The following FAM78B variants were observed in gnomAD, a reference collection of about 807,000 sequenced individuals.
FAM78B encodes the protein protein FAM78B.
FAM78B carries 10 observed loss-of-function variants against 20.0 expected under a neutral mutation model. The observed-to-expected ratio is 0.50, with a 90% confidence interval of 0.31 to 0.85. The LOEUF (loss-of-function observed/expected upper bound fraction) is 0.85. Ranked by LOEUF, FAM78B falls within the 40% of genes least tolerant of loss-of-function variation. The pLI is 0.05. For missense variants in FAM78B, 283 were observed against 345.0 expected, an observed-to-expected ratio of 0.82 and a Z score of 1.42; for synonymous variants, 135 against 132.8, an observed-to-expected ratio of 1.02 and a Z score of -0.12.
chr1:166,073,635 C>T (rs1652144817), intron 1 of FAM78B, among the ~76,000 whole-genome samples: 1 of 150,870 alleles, frequency 6.6e-6, no homozygotes, highest in African/African-American at 2.4e-5. Flanking sequence ...TTCGAGAAGT[C>T]TCTGAAAAGT....
intron 1 of FAM78B, among the ~76,000 whole-genome samples, chr1:166,141,457 T>C (rs182943297): frequency 5.1e-4 from 78 of 152,366 alleles, no homozygotes; most frequent in African/African-American, 1.4e-3. Context: ...TCTTGTATAT[T>C]CTTCACATAG....
At chr1:166,077,526 C>G (rs1393078050) in intron 1 of FAM78B, among the ~76,000 whole-genome samples, 1 of 149,478 alleles carries the variant, frequency 6.7e-6, no homozygotes, top group Non-Finnish European at 1.5e-5. Flanking sequence ...GATGTAGGAG[C>G]AAATGCTTTG....
chr1:166,086,679 G>A lies in FAM78B; in HGVS notation c.264-15916C>T, dbSNP rs187484665. Among the ~76,000 whole-genome samples the A allele has an allele frequency of 3.3e-5, 5 of 152,264 alleles. No individual in the cohort carries two copies. The East Asian group carries it at 5.8e-4, about 18-fold the overall frequency. On this transcript the variant is annotated intron_variant, in intron 1 of 1. Coordinates refer to ENST00000354422, the MANE Select transcript of FAM78B (RefSeq NM_001017961.5). ...AGGGCAGCAGATGTGGGGAGTTTCCGGCAGCAGCTGAGCTGGGGCAGGAGA... is the reference window on the plus strand; with the variant it reads ...AGGGCAGCAGATGTGGGGAGTTTCCAGCAGCAGCTGAGCTGGGGCAGGAGA...
rs370072484 is a variant in FAM78B, at chr1:166,123,310, T to C, written c.263+42676A>G. ...ATGAAGACACAGCTGACTCAGTCTC[T>C]GGCTCTGTCGGCTCTTGGCCACCTT... is the stretch of plus-strand genomic sequence containing the variant. On this transcript the variant is annotated intron_variant, in intron 1 of 1. Transcript: ENST00000354422. 2.0e-4 allele frequency among the ~76,000 whole-genome samples: 31 copies of C among 152,360 alleles called. No homozygotes were observed. In the East Asian group the frequency reaches 5.2e-3, roughly 26 times the overall value.
In FAM78B at chr1:166,133,104, G is replaced by A. The variant is rs144900041; in HGVS notation, c.263+32882C>T. 1.9e-3 allele frequency among the ~76,000 whole-genome samples: 283 copies of A among 152,324 alleles called. 1 individual carries two copies. The highest frequency in any genetic ancestry group is 6.4e-3 in the African/African-American group (267 of 41,580). ...ATCTTGGCAGGGCAAGGAGATTGCT[G>A]ACTCTGAGAATAGCAGAGTGGCCCT... On this transcript the variant is annotated intron_variant, in intron 1 of 1. Transcript: ENST00000354422.
chr1:166,132,309 G>T (rs144510206), intron 1 of FAM78B, among the ~76,000 whole-genome samples: 49 of 151,122 alleles, frequency 3.2e-4, no homozygotes, highest in East Asian at 2.6e-3. Flanking sequence ...AACCCTCGCG[G>T]TGTGAAGAAC....
intron 1 of FAM78B, among the ~76,000 whole-genome samples, chr1:166,074,823 T>C (rs893743053): frequency 1.3e-5 from 2 of 152,230 alleles, no homozygotes; most frequent in Non-Finnish European, 2.9e-5. Context: ...TGCCATCATA[T>C]ACCTACATAC....
chr1:166,135,111 T>C (rs1224257455), intron 1 of FAM78B, among the ~76,000 whole-genome samples: 2 of 152,208 alleles, frequency 1.3e-5, no homozygotes, highest in Non-Finnish European at 2.9e-5. Flanking sequence ...CTGAAAAAGT[T>C]CAGTCCACCT....
rs1651952685 is a variant in FAM78B, at chr1:166,069,964, T to A, written c.*277A>T. The A allele has an allele frequency of 2.6e-6, 3 of 1,152,970 alleles. No individual in the cohort carries two copies. The highest frequency in any genetic ancestry group is 3.2e-6 in the Non-Finnish European group (3 of 936,746). The allele number at this position is 1,152,970 out of a possible 1,614,324, so 71.4% of individuals were successfully genotyped here. A position where few individuals can be genotyped will look rare whatever the true frequency, so the allele number is the denominator to read the frequency against. On this transcript the variant is annotated 3_prime_UTR_variant, in exon 2 of 2. Transcript: ENST00000354422. Reference sequence around the variant, plus strand: ...ATGGTCAATAGTTCAGATAAAAGAATCATCCTGGTCAGCTCCAAAATATGG... The same window carrying A: ...ATGGTCAATAGTTCAGATAAAAGAAACATCCTGGTCAGCTCCAAAATATGG...
intron 1 of FAM78B, among the ~76,000 whole-genome samples, chr1:166,098,496 A>C (rs999622121): frequency 1.3e-5 from 2 of 152,112 alleles, no homozygotes; most frequent in Admixed American, 1.3e-4. Flanking sequence ...AAAATATGAC[A>C]CAAAAAGTGA....
At position 166,069,908 on chromosome 1, in the gene FAM78B, G is replaced by T; in HGVS notation, c.*333C>A. The stretch of plus-strand genomic sequence containing the variant: ...TTTGCCACAGGCACTGTTTAATTTC[G>T]TTTCCATCCCCTGCATCTCACAGGA... On this transcript the variant is annotated 3_prime_UTR_variant, in exon 2 of 2. Coordinates refer to ENST00000354422, the MANE Select transcript of FAM78B (RefSeq NM_001017961.5). The T allele has an allele frequency of 1.1e-6, 1 of 922,780 alleles. No homozygotes were observed. Among genetic ancestry groups the T allele is most frequent in the Non-Finnish European group, 1.3e-6 (1 of 762,454 alleles). The allele number at this position is 922,780 out of a possible 1,614,324, so 57.2% of individuals were successfully genotyped here.
At chr1:166,087,535 C>G (rs1426254679) in intron 1 of FAM78B, 2 of 152,154 alleles carry the variant, frequency 1.3e-5, no homozygotes, top group Admixed American at 6.5e-5. Context: ...ACTTCAGGCA[C>G]CATGTTAGGT....
At chr1:166,098,772 T>C (rs1653384433) in intron 1 of FAM78B, among the ~76,000 whole-genome samples, 1 of 152,136 alleles carries the variant, frequency 6.6e-6, no homozygotes. Flanking sequence ...GAATAATCGG[T>C]GTTCCTGAGG....
At chr1:166,063,628 A>T (rs1651691557) in intron 2 of FAM78B, among the ~76,000 whole-genome samples, 1 of 152,260 alleles carries the variant, frequency 6.6e-6, no homozygotes, top group African/African-American at 2.4e-5. Flanking sequence ...GACTGGCATG[A>T]AGCAAACAAT....
At chr1:166,104,709 A>G (rs560860622) in intron 1 of FAM78B, among the ~76,000 whole-genome samples, 1 of 152,350 alleles carries the variant, frequency 6.6e-6, no homozygotes, top group South Asian at 2.1e-4. Flanking sequence ...AAAAGAGGAT[A>G]CAAACAAATG....
downstream of FAM78B, among the ~76,000 whole-genome samples, chr1:166,065,833 C>T (rs1651773887): frequency 6.6e-6 from 1 of 152,118 alleles, no homozygotes; most frequent in Non-Finnish European, 1.5e-5. Context: ...CCCTTTCTAT[C>T]TAAGGATCAT....
intron 1 of FAM78B, 128 bp downstream of exon 1, chr1:166,165,855 AGAG>A (rs1656351377): frequency 5.9e-6 from 6 of 1,017,358 alleles, no homozygotes; most frequent in South Asian, 3.1e-5. Flanking sequence ...GGGAGGTGGG[AGAG>A]GAGGCGGGAG....
intron 1 of FAM78B, among the ~76,000 whole-genome samples, chr1:166,094,073 A>G (rs924382373): frequency 2.8e-5 from 4 of 144,594 alleles, no homozygotes; most frequent in African/African-American, 1.0e-4. Context: ...TGCTTTATTG[A>G]GCCAGTGGTG....
intron 1 of FAM78B, among the ~76,000 whole-genome samples, chr1:166,100,993 A>T (rs1319131316): frequency 6.6e-6 from 1 of 152,034 alleles, no homozygotes; most frequent in Non-Finnish European, 1.5e-5. Context: ...CTGAGACAAA[A>T]CTTCCAGAGG....
Sources: gnomAD v4.1 joint callset for allele counts (sites outside exome capture counted in the v4.1 genomes callset) on GRCh38, gnomAD v4.1.1 for gene constraint, MANE v1.5 for transcripts, NCBI Gene and HGNC (gene_info 2026-07-23, HGNC 2026-07-21) for gene names.